The following JCAD variants were observed in gnomAD, a reference collection of about 807,000 sequenced individuals.
JCAD encodes the protein junctional cadherin 5-associated protein.
Under a neutral mutation model 98.0 loss-of-function variants are expected in JCAD, and 40 were observed. The observed-to-expected ratio is 0.41, with a 90% CI of 0.32 to 0.53. The LOEUF is 0.53. JCAD is among the 20% of genes least tolerant of loss of function. The pLI, the probability that JCAD is intolerant of heterozygous loss-of-function variation, is 0.31. For missense variants in JCAD, 1,705 were observed against 1,738.1 expected (o/e 0.98, Z 0.34); for synonymous variants, 691 against 682.3 (o/e 1.01, Z -0.20).
At chr10:30,032,578 G>T (rs1837024942) in intron 2 of JCAD, among the ~76,000 whole-genome samples, 1 of 152,154 alleles carries the variant, frequency 6.6e-6, no homozygotes, top group Admixed American at 6.5e-5. Flanking sequence ...ATAGCTGTTT[G>T]CTTTTTAAAT....
chr10:30,035,557 C>A (rs1057450640), intron 2 of JCAD, among the ~76,000 whole-genome samples: 1 of 152,246 alleles, frequency 6.6e-6, no homozygotes, highest in African/African-American at 2.4e-5. Flanking sequence ...AATGGCTCTT[C>A]TAGTAGCTTC....
chr10:30,064,223 G>A (rs1296685219), upstream of JCAD, among the ~76,000 whole-genome samples: 1 of 151,598 alleles, frequency 6.6e-6, no homozygotes, highest in Non-Finnish European at 1.5e-5. Context: ...TATCATGGCG[G>A]GGAACTGGTG....
At chr10:30,086,633 A>C (rs534378277) in intron 1 of JCAD, among the ~76,000 whole-genome samples, 2 of 152,318 alleles carry the variant, frequency 1.3e-5, no homozygotes, top group Middle Eastern at 3.4e-3. Flanking sequence ...CTTTGTTCCA[A>C]CAAACAAAAG....
Position 30,026,949 on chromosome 10 carries a change from A to T in JCAD, c.3199T>A (p.Ser1067Thr). 2 of 1,613,812 alleles carry T rather than the reference A, an allele frequency of 1.2e-6. No homozygotes were observed. The highest frequency in any genetic ancestry group is 1.7e-6 in the Non-Finnish European group (2 of 1,179,950). Residue 1067 changes from serine (S) to threonine (T), a missense_variant, in exon 3 of 4, where the codon TCT becomes ACT. Physicochemically the swap from Ser to Thr is moderately conservative, Grantham distance 58. This residue lies in a region of JCAD where 1,278 missense variants were observed against 1,243.1 expected (regional missense o/e 1.03). Coordinates refer to ENST00000375377, the MANE Select transcript of JCAD (RefSeq NM_020848.4). ...QEQGASELEG[S>T]LGEASTIEIP... ...TCTATTGTGCTTGCTTCACCCAAAG[A>T]CCCCTCTAGCTCACTGGCACCCTGT...
chr10:30,032,190 AT>A (rs1372004954), intron 2 of JCAD, among the ~76,000 whole-genome samples: 1 of 152,184 alleles, frequency 6.6e-6, no homozygotes, highest in East Asian at 1.9e-4. Context: ...AAGGCAGGAA[AT>A]GGTAGTATCA....
intron 1 of JCAD, among the ~76,000 whole-genome samples, chr10:30,108,117 C>G (rs190145660): frequency 6.6e-6 from 1 of 151,864 alleles, no homozygotes; most frequent in Non-Finnish European, 1.5e-5. Context: ...GTTTGAGACC[C>G]GCCTGGCCAA....
chr10:30,101,613 C>T (rs1359344595), intron 1 of JCAD, among the ~76,000 whole-genome samples: 1 of 152,048 alleles, frequency 6.6e-6, no homozygotes, highest in Non-Finnish European at 1.5e-5. Flanking sequence ...AGTGATCCAC[C>T]TGCCTTGGCC....
At chr10:30,113,677 C>CCCACCTCCCT (rs1359859511) in intron 1 of JCAD, among the ~76,000 whole-genome samples, 3 of 150,960 alleles carry the variant, frequency 2.0e-5, no homozygotes, top group South Asian at 4.2e-4. Context: ...GACTTCTGGG[C>CCCACCTCCCT]CCACCTCCCT....
rs1340897679 is a variant in JCAD at position 30,027,218 on chromosome 10, C to T, written c.2930G>A (p.Arg977Lys). ...ELAGSPFPVT[R>K]MSSRSSDAKP... ...TGCGTCACTTGATCTTGAAGACATTCTCGTCACAGGAAATGGGCTACCTGC... is the reference window on the plus strand; with the variant it reads ...TGCGTCACTTGATCTTGAAGACATTTTCGTCACAGGAAATGGGCTACCTGC... Residue 977 changes from arginine (R) to lysine (K), a missense_variant, in exon 3 of 4, where the codon AGA becomes AAA. Arg to Lys is a conservative substitution (Grantham distance 26). Around this residue, in one of 3 missense-constraint regions of JCAD, gnomAD observed 1,278 missense variants for 1,243.1 expected, o/e 1.03. Coordinates refer to ENST00000375377, the MANE Select transcript of JCAD (RefSeq NM_020848.4). The T allele has an allele frequency of 1.2e-6, 2 of 1,614,226 alleles. No homozygotes were observed. Among genetic ancestry groups the T allele is most frequent in the Admixed American group, 1.7e-5 (1 of 60,034 alleles).
In JCAD at chr10:30,027,047, A is replaced by G; in HGVS notation, c.3101T>C (p.Leu1034Pro). ...SGGERGAGLP[L>P]SLSNKNRGLS... ...CCCTCGGTTCTTGTTAGACAGGGAC[A>G]GTGGGAGCCCTGCCCCCCTCTCTCC... is the stretch of plus-strand genomic sequence containing the variant. The change falls in exon 3 of 4, where the codon CTG becomes CCG. Residue 1034 changes from leucine to proline, a missense_variant. Leu to Pro is a moderately conservative substitution (Grantham distance 98). Transcript: ENST00000375377. The G allele has an allele frequency of 6.2e-7, 1 of 1,614,210 alleles. No homozygotes were observed. The highest frequency in any genetic ancestry group is 8.5e-7 in the Non-Finnish European group (1 of 1,180,036).
intron 2 of JCAD, 48 bp downstream of exon 2, chr10:30,047,484 C>A: frequency 6.4e-7 from 1 of 1,571,724 alleles, no homozygotes; most frequent in South Asian, 1.2e-5. Context: ...TCACCCACCG[C>A]CAAACTCCTG....
At position 30,045,301 on chromosome 10, in the gene JCAD, C is replaced by T. The variant is rs1477713259; in HGVS notation, c.281+2231G>A. On this transcript the variant is annotated intron_variant, in intron 2 of 3. Transcript: ENST00000375377. ...CCCCTCAAATTTGAGGGAGACCCCA[C>T]GTAACCTACATGGTCCATCTGCAGG... Among the ~76,000 whole-genome samples, 6 of 152,112 alleles carry T rather than the reference C, an allele frequency of 3.9e-5. No individual in the cohort carries two copies. The South Asian group carries it at 6.2e-4, about 16-fold the overall frequency.
intron 1 of JCAD, among the ~76,000 whole-genome samples, chr10:30,087,873 A>C (rs994806790): frequency 2.0e-5 from 3 of 152,120 alleles, no homozygotes; most frequent in Admixed American, 2.0e-4. Flanking sequence ...CCAGAGTCTC[A>C]CTCTGTCGCC....
chr10:30,046,123 C>T (rs1425596799), intron 2 of JCAD, among the ~76,000 whole-genome samples: 1 of 152,138 alleles, frequency 6.6e-6, no homozygotes, highest in Non-Finnish European at 1.5e-5. Flanking sequence ...TGCTGACATG[C>T]AGTTACATAA....
chr10:30,036,982 C>T (rs1200922057), intron 2 of JCAD, among the ~76,000 whole-genome samples: 1 of 152,200 alleles, frequency 6.6e-6, no homozygotes, highest in East Asian at 1.9e-4. Flanking sequence ...CCTCCCCTTC[C>T]GGAGGCGTCT....
intron 1 of JCAD, among the ~76,000 whole-genome samples, chr10:30,079,683 T>C (rs1441941490): frequency 1.1e-4 from 17 of 152,140 alleles, no homozygotes; most frequent in Non-Finnish European, 1.5e-5. Flanking sequence ...ACTGAAAGAC[T>C]AGAGAGCAGT....
chr10:30,079,944 C>T (rs1306602832), intron 1 of JCAD, among the ~76,000 whole-genome samples: 3 of 152,122 alleles, frequency 2.0e-5, no homozygotes, highest in Non-Finnish European at 4.4e-5. Flanking sequence ...ATTTTTCAAA[C>T]AACCCCTCTT....
rs1472771458 is a variant in JCAD, at chr10:30,015,990, G to A, written c.*1893C>T. 6.6e-6 allele frequency: 1 copy of A among 152,088 alleles called. No homozygotes were observed. Among genetic ancestry groups the A allele is most frequent in the African/African-American group, 2.4e-5 (1 of 41,406 alleles). 9.4% of individuals were successfully genotyped at this position (152,088 alleles called of 1,614,324 possible). A position where few individuals can be genotyped will look rare whatever the true frequency, so the allele number is the denominator to read the frequency against. ...TGGGAAGAGGATCTTTTTGTTTCCC[G>A]CACTTATTGCTGCTGTGAAAACTGG... On this transcript the variant is annotated 3_prime_UTR_variant, in exon 4 of 4. Transcript: ENST00000375377.
intron 1 of JCAD, among the ~76,000 whole-genome samples, chr10:30,055,787 T>C (rs1837559505): frequency 6.6e-6 from 1 of 152,204 alleles, no homozygotes; most frequent in Non-Finnish European, 1.5e-5. Context: ...AACATTAATC[T>C]TGCTGGGGTG....
Sources: gnomAD v4.1 joint callset for allele counts (sites outside exome capture counted in the v4.1 genomes callset) on GRCh38, gnomAD v4.1.1 for gene constraint, gnomAD v4.1.1 regional missense constraint, MANE v1.5 for transcripts, NCBI Gene and HGNC (gene_info 2026-07-23, HGNC 2026-07-21) for gene names.